Variants in ACTR3C observed in about 807,000 individuals in gnomAD.
ACTR3C encodes the protein actin related protein 3C, also known as actin-related protein 3C.
In ACTR3C, 18 loss-of-function variants were observed where a neutral mutation model predicts 26.3. The observed-to-expected ratio is 0.68, with a 90% CI of 0.47 to 1.01. The LOEUF (loss-of-function observed/expected upper bound fraction) is 1.01. Among genes scored for constraint, ACTR3C ranks in the 50% least tolerant of loss-of-function variants. The probability of loss-of-function intolerance (pLI) is 0.00; values close to 1 mark genes in which losing one functional copy is unlikely to be tolerated. For missense variants in ACTR3C, 184 were observed against 250.7 expected, an observed-to-expected ratio of 0.73 and a Z score of 1.80; for synonymous variants, 55 against 94.5, an observed-to-expected ratio of 0.58 and a Z score of 2.42.
the ACTR3C span, among the ~76,000 whole-genome samples, chr7:150,183,888 AT>A: frequency 6.7e-6 from 1 of 149,858 alleles, no homozygotes; most frequent in Non-Finnish European, 1.5e-5. Context: ...TGTTCTTGTG[AT>A]AATGAGTGAG....
chr7:150,263,509 A>C (rs1426863643), intron 6 of ACTR3C, among the ~76,000 whole-genome samples: 2 of 149,434 alleles, frequency 1.3e-5, no homozygotes, highest in East Asian at 3.9e-4. Context: ...AGAAGTCTCA[A>C]ATTAATCCCT....
the ACTR3C span, among the ~76,000 whole-genome samples, chr7:150,042,636 G>T: frequency 2.6e-5 from 4 of 151,494 alleles, no homozygotes; most frequent in Admixed American, 6.5e-5. Context: ...AGAGGGGATG[G>T]ATCTCAGCCA....
chr7:150,290,211 C>G (rs1416525990), intron 3 of ACTR3C, among the ~76,000 whole-genome samples: 2 of 152,254 alleles, frequency 1.3e-5, no homozygotes, highest in African/African-American at 4.8e-5. Flanking sequence ...GGCTGGGAGC[C>G]TCTCATTCCA....
chr7:150,161,750 AGACTTGG>A, the ACTR3C span, among the ~76,000 whole-genome samples: 1 of 152,188 alleles, frequency 6.6e-6, no homozygotes, highest in Admixed American at 6.5e-5. Context: ...ACAATAGTAA[AGACTTGG>A]GAGGAAAGTA....
At chr7:149,992,485 C>T in the ACTR3C span, among the ~76,000 whole-genome samples, 1 of 152,144 alleles carries the variant, frequency 6.6e-6, no homozygotes, top group Non-Finnish European at 1.5e-5. Context: ...ACTAAGTTGT[C>T]CAGGAAGCAA....
the ACTR3C span, among the ~76,000 whole-genome samples, chr7:150,128,679 A>G: frequency 3.3e-5 from 5 of 151,516 alleles, no homozygotes; most frequent in African/African-American, 1.2e-4. Flanking sequence ...ATGAAATCAG[A>G]GACACAAGAT....
At chr7:150,285,150 G>A (rs1835668969) in intron 5 of ACTR3C, among the ~76,000 whole-genome samples, 1 of 152,156 alleles carries the variant, frequency 6.6e-6, no homozygotes, top group Admixed American at 6.5e-5. Flanking sequence ...GCAGTGGAGA[G>A]TATGTGCACG....
At chr7:150,292,685 C>A (rs1427940844) in intron 3 of ACTR3C, among the ~76,000 whole-genome samples, 1 of 152,136 alleles carries the variant, frequency 6.6e-6, no homozygotes, top group Non-Finnish European at 1.5e-5. Context: ...TTAGTAGAGA[C>A]AGGGTTTCTC....
chr7:150,034,709 C>A, the ACTR3C span, among the ~76,000 whole-genome samples: 1,932 of 151,244 alleles, frequency 0.013, 50 homozygotes, highest in African/African-American at 0.044. Flanking sequence ...TACTTGGACA[C>A]CTAATACCCA....
chr7:150,067,570 C>T, the ACTR3C span, among the ~76,000 whole-genome samples: 3 of 151,564 alleles, frequency 2.0e-5, no homozygotes, highest in Non-Finnish European at 4.4e-5. Context: ...AAAATAAATG[C>T]TTTTATGATT....
chr7:150,009,263 TGGCTGAGAG>T, the ACTR3C span, among the ~76,000 whole-genome samples: 3 of 152,232 alleles, frequency 2.0e-5, no homozygotes, highest in Non-Finnish European at 2.9e-5. Context: ...GTCACAAGAC[TGGCTGAGAG>T]GGTAGATTCC....
intron 1 of ACTR3C, among the ~76,000 whole-genome samples, chr7:150,310,243 A>G (rs973899983): frequency 2.0e-5 from 3 of 152,026 alleles, no homozygotes; most frequent in Non-Finnish European, 2.9e-5. Flanking sequence ...CTTAATCCAC[A>G]AGTATGGGAT....
the ACTR3C span, among the ~76,000 whole-genome samples, chr7:150,059,981 T>TG: frequency 6.6e-6 from 1 of 152,172 alleles, no homozygotes; most frequent in Non-Finnish European, 1.5e-5. Context: ...CCAGAATATG[T>TG]GGGAAAAAAT....
chr7:150,068,498 G>A, the ACTR3C span, among the ~76,000 whole-genome samples: 2 of 152,010 alleles, frequency 1.3e-5, no homozygotes, highest in African/African-American at 2.4e-5. Context: ...TTATAAGAAT[G>A]GGACTCCTTC....
chr7:150,007,301 A>G, the ACTR3C span, among the ~76,000 whole-genome samples: 2 of 152,224 alleles, frequency 1.3e-5, no homozygotes, highest in Admixed American at 6.5e-5. Context: ...ATGGAGGAGA[A>G]GAAAGGATGT....
chr7:150,190,007 A>G, the ACTR3C span, among the ~76,000 whole-genome samples: 2 of 152,002 alleles, frequency 1.3e-5, no homozygotes, highest in African/African-American at 4.8e-5. Flanking sequence ...AACATTTTGC[A>G]TTACCACAAG....
the ACTR3C span, among the ~76,000 whole-genome samples, chr7:150,207,259 A>G: frequency 1.3e-5 from 2 of 152,314 alleles, no homozygotes; most frequent in Admixed American, 1.3e-4. Flanking sequence ...TCCCCTGACC[A>G]ACCAAAATGC....
chr7:150,227,083 A>C, the ACTR3C span, among the ~76,000 whole-genome samples: 3 of 149,358 alleles, frequency 2.0e-5, no homozygotes, highest in African/African-American at 7.6e-5. Flanking sequence ...GAAAGATTTA[A>C]TCAAGCTAAT....
At chr7:150,186,226 C>G in the ACTR3C span, among the ~76,000 whole-genome samples, 4,916 of 152,220 alleles carry the variant, frequency 0.032, 259 homozygotes, top group African/African-American at 0.11. Flanking sequence ...GTGACTAAAA[C>G]GGTCCAGTCC....
Sources: gnomAD v4.1 joint callset for allele counts (sites outside exome capture counted in the v4.1 genomes callset) on GRCh38, gnomAD v4.1.1 for gene constraint, MANE v1.5 for transcripts, NCBI Gene and HGNC (gene_info 2026-07-23, HGNC 2026-07-21) for gene names.